DTNBP1: variants seen among roughly 807,000 people sequenced by gnomAD.
DTNBP1 encodes the protein dystrobrevin binding protein 1, also known as dysbindin.
DTNBP1 carries 35 observed loss-of-function variants against 42.8 expected under a neutral mutation model. The observed-to-expected ratio is 0.82, with a 90% CI of 0.63 to 1.09. The LOEUF (loss-of-function observed/expected upper bound fraction) is 1.09, where lower values mean the gene tolerates loss of function less well. Among genes scored for constraint, DTNBP1 ranks in the 50% least tolerant of loss-of-function variants. DTNBP1 has a pLI of 0.00. For synonymous variants in DTNBP1, 171 were observed against 162.2 expected (o/e 1.05, Z -0.41); for missense variants, 457 against 424.2 (o/e 1.08, Z -0.68).
chr6:15,523,948 A>AG, intron 9 of DTNBP1: 1 of 1,287,426 alleles, frequency 7.8e-7, no homozygotes, highest in African/African-American at 1.5e-5. Flanking sequence ...CCCAGCCCAA[A>AG]GAACTGGTCT....
At chr6:15,656,537 G>A (rs1230892517) in intron 1 of DTNBP1, among the ~76,000 whole-genome samples, 1 of 152,126 alleles carries the variant, frequency 6.6e-6, no homozygotes, top group Non-Finnish European at 1.5e-5. Context: ...GACAAAAAGT[G>A]TAAAAGGATG....
At chr6:15,594,026 A>C (rs773992820) in intron 6 of DTNBP1, among the ~76,000 whole-genome samples, 1 of 152,234 alleles carries the variant, frequency 6.6e-6, no homozygotes, top group Non-Finnish European at 1.5e-5. Flanking sequence ...GGCCAAGTAG[A>C]TAATGTTCTT....
At chr6:15,662,300 C>T (rs1400888721) in intron 1 of DTNBP1, among the ~76,000 whole-genome samples, 1 of 152,214 alleles carries the variant, frequency 6.6e-6, no homozygotes, top group East Asian at 1.9e-4. Flanking sequence ...GGCCGGCGAG[C>T]CGGGCGTGAA....
chr6:15,639,749 C>T (rs1760230397), intron 3 of DTNBP1, among the ~76,000 whole-genome samples: 1 of 152,164 alleles, frequency 6.6e-6, no homozygotes, highest in African/African-American at 2.4e-5. Context: ...TGGTAGTTAG[C>T]ACAGAACCTA....
Position 15,616,659 on chromosome 6 carries a change from T to C in DTNBP1, c.356-1260A>G, listed in dbSNP as rs191141768. Among the ~76,000 whole-genome samples the C allele has an allele frequency of 2.8e-3, 423 of 152,368 alleles. 2 individuals are homozygous for C. The highest frequency in any genetic ancestry group is 9.6e-3 in the African/African-American group (400 of 41,582). ...TTTACGTACTAGCTTTTTACATGAC[T>C]TTCTAAACTAGCTTTCATAGCATTT... is the stretch of plus-strand genomic sequence containing the variant. On this transcript the variant is annotated intron_variant, in intron 5 of 9. Transcript: ENST00000344537.
chr6:15,550,402 CACA>C (rs1431171055), intron 7 of DTNBP1, among the ~76,000 whole-genome samples: 1 of 151,926 alleles, frequency 6.6e-6, no homozygotes, highest in African/African-American at 2.4e-5. Flanking sequence ...TTTTGTTTCC[CACA>C]ACATTTACAT....
At chr6:15,542,876 T>A (rs1242624855) in intron 7 of DTNBP1, among the ~76,000 whole-genome samples, 1 of 151,926 alleles carries the variant, frequency 6.6e-6, no homozygotes, top group African/African-American at 2.4e-5. Context: ...ATTTTTGTAT[T>A]TTTAGTGGAG....
chr6:15,576,573 C>T (rs1018378634), intron 7 of DTNBP1, among the ~76,000 whole-genome samples: 10 of 151,780 alleles, frequency 6.6e-5, no homozygotes, highest in African/African-American at 1.9e-4. Context: ...GCCAGAAGTT[C>T]GAGATTAGCC....
At chr6:15,608,859 T>C (rs1758226261) in intron 6 of DTNBP1, among the ~76,000 whole-genome samples, 1 of 152,228 alleles carries the variant, frequency 6.6e-6, no homozygotes, top group African/African-American at 2.4e-5. Context: ...TCTTTATTCC[T>C]AGTGTAGTGA....
chr6:15,630,956 T>C (rs1759664488), intron 4 of DTNBP1, among the ~76,000 whole-genome samples: 1 of 152,196 alleles, frequency 6.6e-6, no homozygotes, highest in Non-Finnish European at 1.5e-5. Context: ...AAGTTACCTT[T>C]GATCACAGTT....
chr6:15,591,102 A>T (rs947459166), intron 7 of DTNBP1, among the ~76,000 whole-genome samples: 3 of 151,128 alleles, frequency 2.0e-5, no homozygotes, highest in East Asian at 1.9e-4. Context: ...TTTTCTTGTT[A>T]TAGGGTACTT....
chr6:15,620,329 A>G, intron 5 of DTNBP1, among the ~76,000 whole-genome samples: 1 of 152,168 alleles, frequency 6.6e-6, no homozygotes, highest in Non-Finnish European at 1.5e-5. Context: ...ATATGGGGGA[A>G]TCAGGCAAAA....
At chr6:15,564,096 CA>C (rs1774961889) in intron 7 of DTNBP1, among the ~76,000 whole-genome samples, 1 of 151,670 alleles carries the variant, frequency 6.6e-6, no homozygotes, top group South Asian at 2.1e-4. Context: ...ACTCTAGCCC[CA>C]AACTCCTCAG....
At chr6:15,648,196 A>C (rs1050849654) in intron 3 of DTNBP1, among the ~76,000 whole-genome samples, 1 of 152,064 alleles carries the variant, frequency 6.6e-6, no homozygotes, top group African/African-American at 2.4e-5. Flanking sequence ...AAGTTATTTG[A>C]CAAAATTCAA....
intron 8 of DTNBP1, among the ~76,000 whole-genome samples, chr6:15,525,352 G>A (rs529505815): frequency 8.5e-5 from 13 of 152,324 alleles, no homozygotes; most frequent in Admixed American, 2.0e-4. Context: ...CACAAGCCAC[G>A]TAAGTTATCC....
At chr6:15,572,708 C>T (rs557611617) in intron 7 of DTNBP1, among the ~76,000 whole-genome samples, 1 of 152,260 alleles carries the variant, frequency 6.6e-6, no homozygotes, top group East Asian at 1.9e-4. Flanking sequence ...TCAGCACTCC[C>T]AGTCTGGCTC....
chr6:15,646,398 C>A (rs887820668), intron 3 of DTNBP1, among the ~76,000 whole-genome samples: 29 of 151,744 alleles, frequency 1.9e-4, no homozygotes, highest in African/African-American at 7.0e-4. Context: ...ACATTCCATG[C>A]TCATGGATTA....
intron 3 of DTNBP1, among the ~76,000 whole-genome samples, chr6:15,644,492 G>C (rs189525030): frequency 6.6e-6 from 1 of 152,076 alleles, no homozygotes; most frequent in African/African-American, 2.4e-5. Flanking sequence ...CTTCTCATCT[G>C]TGCATCGAAC....
At chr6:15,630,044 C>A (rs1759594780) in intron 4 of DTNBP1, among the ~76,000 whole-genome samples, 1 of 152,066 alleles carries the variant, frequency 6.6e-6, no homozygotes, top group Admixed American at 6.5e-5. Flanking sequence ...AGATTCACCC[C>A]CAGGAAATTA....
Sources: allele counts gnomAD v4.1 joint callset (sites outside exome capture counted in the v4.1 genomes callset), GRCh38; gene constraint gnomAD v4.1.1; transcripts MANE v1.5; gene names NCBI Gene and HGNC (gene_info 2026-07-23, HGNC 2026-07-21).